Variants in NCOA7 observed in about 807,000 individuals in gnomAD.
NCOA7 encodes the protein 140 kDa estrogen receptor-associated protein.
A neutral mutation model predicts 104.3 loss-of-function variants in NCOA7; 45 were observed. The ratio of observed to expected loss-of-function variants is 0.43; its 90% confidence interval spans 0.34 to 0.55. NCOA7 has a LOEUF of 0.55. Ranked by LOEUF, NCOA7 falls within the 20% of genes least tolerant of loss-of-function variation. NCOA7 has a pLI of 0.02. For synonymous variants in NCOA7, 398 were observed against 402.3 expected, an observed-to-expected ratio of 0.99 and a Z score of 0.13; for missense variants, 1,041 against 1,119.7, an observed-to-expected ratio of 0.93 and a Z score of 1.00.
At chr6:125,802,812 A>C (rs1284335115) in intron 1 of NCOA7, among the ~76,000 whole-genome samples, 1 of 152,212 alleles carries the variant, frequency 6.6e-6, no homozygotes, top group African/African-American at 2.4e-5. Flanking sequence ...TGATTTCTTA[A>C]CCCAGTCTGC....
chr6:125,896,688 A>G (rs557630202), intron 10 of NCOA7, among the ~76,000 whole-genome samples: 14 of 152,308 alleles, frequency 9.2e-5, no homozygotes, highest in Admixed American at 4.6e-4. Flanking sequence ...GCTACTCAAG[A>G]GGCTGAAGTG....
chr6:125,892,582 G>A (rs996773272), intron 10 of NCOA7, among the ~76,000 whole-genome samples: 3 of 152,096 alleles, frequency 2.0e-5, no homozygotes, highest in Non-Finnish European at 2.9e-5. Context: ...GCTGAGGCAC[G>A]AGAATCGCTT....
At chr6:125,792,244 A>G (rs1774927627) in intron 1 of NCOA7, among the ~76,000 whole-genome samples, 1 of 152,240 alleles carries the variant, frequency 6.6e-6, no homozygotes, top group South Asian at 2.1e-4. Context: ...CTCTTTGTAT[A>G]AATAGGCAAA....
At chr6:125,912,182 G>A (rs1786629164) in intron 10 of NCOA7, among the ~76,000 whole-genome samples, 1 of 152,132 alleles carries the variant, frequency 6.6e-6, no homozygotes, top group African/African-American at 2.4e-5. Flanking sequence ...TGTTTGGTGG[G>A]CACCCACACA....
At chr6:125,928,502 T>A (rs1222043087) in intron 15 of NCOA7, 134 bp from the exon 16 acceptor site, 10 of 1,008,502 alleles carry the variant, frequency 9.9e-6, no homozygotes, top group Admixed American at 2.6e-5. Context: ...AAAGGAAATG[T>A]ATCCTGGTTT....
chr6:125,852,299 G>A (rs1365176478), intron 2 of NCOA7, among the ~76,000 whole-genome samples: 1 of 152,038 alleles, frequency 6.6e-6, no homozygotes, highest in East Asian at 1.9e-4. Flanking sequence ...GGGTTCAAGC[G>A]ATTCTCCTGC....
chr6:125,889,755 G>T lies in NCOA7; in HGVS notation c.1701G>T (p.Ala567=), dbSNP rs750602138. ...CCCTTAGTAGTTCTCTTTCCCAGGC[G>T]GGTGATCCCATAACTGAGGGCAATA... ...DITLSSSLSQ[A]GDPITEGNKE... The change falls in exon 9 of 16, where the codon GCG becomes GCT. Residue 567 remains alanine, a synonymous_variant. Transcript: ENST00000392477. The T allele has an allele frequency of 1.2e-6, 2 of 1,612,468 alleles. No individual in the cohort carries two copies. Among genetic ancestry groups the T allele is most frequent in the South Asian group, 1.1e-5 (1 of 90,812 alleles).
chr6:125,865,401 G>A (rs1782362942), intron 3 of NCOA7, among the ~76,000 whole-genome samples: 1 of 138,104 alleles, frequency 7.2e-6, no homozygotes, highest in African/African-American at 3.0e-5. Flanking sequence ...TTGAAGGAAG[G>A]AAGGTAGGTA....
intron 14 of NCOA7, among the ~76,000 whole-genome samples, 174 bp downstream of exon 14, chr6:125,927,932 G>A (rs1164226035): frequency 6.6e-6 from 1 of 152,214 alleles, no homozygotes; most frequent in Non-Finnish European, 1.5e-5. Context: ...GGCCTTCTGG[G>A]CTGCTCAGGC....
At chr6:125,861,020 CGTA>C (rs1256309848) in intron 3 of NCOA7, among the ~76,000 whole-genome samples, 1 of 152,110 alleles carries the variant, frequency 6.6e-6, no homozygotes, top group Non-Finnish European at 1.5e-5. Flanking sequence ...TTGTGATTAT[CGTA>C]GTCAAAGATT....
chr6:125,879,130 A>G (rs1783618627), intron 5 of NCOA7, among the ~76,000 whole-genome samples: 1 of 152,248 alleles, frequency 6.6e-6, no homozygotes, highest in Admixed American at 6.5e-5. Flanking sequence ...AATAAGAGCT[A>G]TATACCAAGA....
intron 1 of NCOA7, 108 bp downstream of exon 1, chr6:125,791,175 G>C (rs1046587353): frequency 2.0e-5 from 3 of 152,350 alleles, no homozygotes; most frequent in Non-Finnish European, 4.4e-5. Context: ...CCCGCCGGGG[G>C]CTCGGTGGAG....
intron 10 of NCOA7, among the ~76,000 whole-genome samples, chr6:125,896,149 T>C (rs943350991): frequency 1.3e-5 from 2 of 151,544 alleles, no homozygotes; most frequent in African/African-American, 4.8e-5. Flanking sequence ...TAGGTTCTTT[T>C]GAATTTTTGG....
chr6:125,852,912 T>C (rs1781241790), intron 2 of NCOA7, among the ~76,000 whole-genome samples: 1 of 152,216 alleles, frequency 6.6e-6, no homozygotes, highest in South Asian at 2.1e-4. Flanking sequence ...CTATTTGGGC[T>C]CTTTTTTGGT....
chr6:125,922,312 T>G (rs1172037429), intron 12 of NCOA7, among the ~76,000 whole-genome samples: 1 of 152,152 alleles, frequency 6.6e-6, no homozygotes, highest in Non-Finnish European at 1.5e-5. Context: ...CTCTGAGTGT[T>G]TAGAAAGAAA....
At chr6:125,863,471 G>T (rs1254590749) in intron 3 of NCOA7, among the ~76,000 whole-genome samples, 1 of 137,906 alleles carries the variant, frequency 7.3e-6, no homozygotes, top group Non-Finnish European at 1.5e-5. Flanking sequence ...ATATTCACTT[G>T]CATTATAAAA....
At chr6:125,788,363 A>G (rs907281576), upstream of NCOA7, among the ~76,000 whole-genome samples, 11 of 152,332 alleles carry the variant, frequency 7.2e-5, no homozygotes, top group Admixed American at 6.5e-4. Flanking sequence ...ATGGAAAGGA[A>G]CAAGTGAAGA....
chr6:125,864,033 T>C (rs1042033931), intron 3 of NCOA7, among the ~76,000 whole-genome samples: 2 of 136,278 alleles, frequency 1.5e-5, no homozygotes, highest in East Asian at 4.3e-4. Context: ...GGGGGGGCAG[T>C]TTGGCTGTTT....
At chr6:125,795,264 G>A (rs139657170) in intron 1 of NCOA7, among the ~76,000 whole-genome samples, 85 of 152,238 alleles carry the variant, frequency 5.6e-4, no homozygotes, top group Middle Eastern at 3.4e-3. Context: ...AACATAAGAG[G>A]GGGTTTGGAG....
Sources: gnomAD v4.1 joint callset for allele counts (sites outside exome capture counted in the v4.1 genomes callset) on GRCh38, gnomAD v4.1.1 for gene constraint, MANE v1.5 for transcripts, NCBI Gene and HGNC (gene_info 2026-07-23, HGNC 2026-07-21) for gene names.